Variants in VEPH1 observed in about 807,000 individuals in gnomAD.
VEPH1 encodes ventricular zone expressed PH domain containing 1.
VEPH1 carries 80 observed loss-of-function variants against 85.2 expected under a neutral mutation model. The observed-to-expected ratio is 0.94, with a 90% CI of 0.78 to 1.13. The LOEUF is 1.13. Among genes scored for constraint, VEPH1 ranks in the 50% most tolerant of loss-of-function variants. VEPH1 has a pLI of 0.00. For missense variants in VEPH1, 955 were observed against 980.5 expected (o/e 0.97, Z 0.35); for synonymous variants, 297 against 348.0 (o/e 0.85, Z 1.63).
intron 4 of VEPH1, among the ~76,000 whole-genome samples, chr3:157,440,653 T>C (rs1362715008): frequency 6.6e-6 from 1 of 152,098 alleles, no homozygotes; most frequent in Non-Finnish European, 1.5e-5. Flanking sequence ...TATCCATATG[T>C]ATATATGTGT....
intron 7 of VEPH1, among the ~76,000 whole-genome samples, chr3:157,379,253 T>G (rs1158662759): frequency 6.6e-6 from 1 of 152,170 alleles, no homozygotes; most frequent in Non-Finnish European, 1.5e-5. Flanking sequence ...CAAATTATCT[T>G]TCCTCAGTCT....
chr3:157,420,635 T>C (rs1732259302), intron 5 of VEPH1, among the ~76,000 whole-genome samples: 1 of 152,238 alleles, frequency 6.6e-6, no homozygotes, highest in South Asian at 2.1e-4. Flanking sequence ...AATGACTTCT[T>C]ATTTTAAATG....
At chr3:157,278,785 C>G (rs1407260903) in intron 12 of VEPH1, among the ~76,000 whole-genome samples, 2 of 152,132 alleles carry the variant, frequency 1.3e-5, no homozygotes, top group African/African-American at 4.8e-5. Flanking sequence ...GAGTGGGCCT[C>G]TGGTTGGTAC....
chr3:157,321,788 A>G (rs1432414466), intron 9 of VEPH1, among the ~76,000 whole-genome samples: 1 of 152,184 alleles, frequency 6.6e-6, no homozygotes, highest in African/African-American at 2.4e-5. Flanking sequence ...AAACAAACAA[A>G]CAAACAAACA....
chr3:157,405,721 T>C (rs1694302865), intron 6 of VEPH1, among the ~76,000 whole-genome samples: 1 of 152,198 alleles, frequency 6.6e-6, no homozygotes, highest in Non-Finnish European at 1.5e-5. Flanking sequence ...TATAATGCTC[T>C]CCTAAAACTC....
rs140242420 is a variant in VEPH1, at chr3:157,465,212, C to T, written c.355-4857G>A. Among the ~76,000 whole-genome samples the T allele has an allele frequency of 4.9e-3, 751 of 152,308 alleles. 5 individuals carry two copies. Among genetic ancestry groups the T allele is most frequent in the African/African-American group, 0.017 (722 of 41,560 alleles). On this transcript the variant is annotated intron_variant, in intron 3 of 13. Coordinates refer to ENST00000362010, the MANE Select transcript of VEPH1 (RefSeq NM_001167912.2). ...CCATTCAACAAATATTATTTGAGCA[C>T]CTACTATATGCCAGGCACTATTCTA...
At chr3:157,413,710 T>C (rs908521742) in intron 6 of VEPH1, 171 bp downstream of exon 6, 1 of 956,870 alleles carries the variant, frequency 1.0e-6, no homozygotes, top group African/African-American at 1.8e-5. Flanking sequence ...GACAAATTTG[T>C]ATGTCATAGA....
At chr3:157,451,364 TA>T (rs1268194318) in intron 4 of VEPH1, among the ~76,000 whole-genome samples, 1 of 152,174 alleles carries the variant, frequency 6.6e-6, no homozygotes, top group African/African-American at 2.4e-5. Context: ...CTCCAAGAAG[TA>T]AGAAGTAAGA....
chr3:157,395,710 T>C (rs1318257189), intron 6 of VEPH1, among the ~76,000 whole-genome samples: 6 of 152,220 alleles, frequency 3.9e-5, no homozygotes, highest in Non-Finnish European at 8.8e-5. Flanking sequence ...CAATTTTCTT[T>C]TTTTTTAACT....
intron 6 of VEPH1, among the ~76,000 whole-genome samples, chr3:157,412,085 C>T (rs1731578265): frequency 6.6e-6 from 1 of 152,166 alleles, no homozygotes; most frequent in African/African-American, 2.4e-5. Flanking sequence ...CATGAGGTGC[C>T]TTCTTCCCCT....
intron 5 of VEPH1, among the ~76,000 whole-genome samples, chr3:157,427,897 C>T (rs1732866956): frequency 2.0e-5 from 3 of 152,212 alleles, no homozygotes; most frequent in African/African-American, 7.2e-5. Flanking sequence ...AAGCAGATTG[C>T]CCCTGCAATA....
chr3:157,295,199 T>C (rs1717973780), intron 11 of VEPH1, among the ~76,000 whole-genome samples: 1 of 152,192 alleles, frequency 6.6e-6, no homozygotes. Flanking sequence ...AGGTTATTTG[T>C]TGCTAAGTAA....
At chr3:157,429,502 C>T (rs1038940842) in intron 4 of VEPH1, among the ~76,000 whole-genome samples, 5 of 152,072 alleles carry the variant, frequency 3.3e-5, no homozygotes, top group Admixed American at 3.3e-4. Flanking sequence ...CTGGATAAAA[C>T]TGAATGAATT....
At chr3:157,353,626 T>C (rs887474716) in intron 9 of VEPH1, among the ~76,000 whole-genome samples, 3 of 137,484 alleles carry the variant, frequency 2.2e-5, no homozygotes, top group Non-Finnish European at 4.8e-5. Context: ...TTCTAGAAGT[T>C]TCCCCCCTCC....
chr3:157,361,319 T>C (rs1363267701), intron 9 of VEPH1, among the ~76,000 whole-genome samples: 4 of 152,170 alleles, frequency 2.6e-5, no homozygotes, highest in Non-Finnish European at 5.9e-5. Flanking sequence ...ATAACAGACA[T>C]GCTAAATAAT....
intron 6 of VEPH1, among the ~76,000 whole-genome samples, chr3:157,393,259 C>A (rs371979364): frequency 1.3e-5 from 2 of 152,214 alleles, no homozygotes; most frequent in East Asian, 3.9e-4. Flanking sequence ...TGGGACCCAC[C>A]CTGTTTTCCA....
intron 9 of VEPH1, among the ~76,000 whole-genome samples, chr3:157,323,380 T>C (rs1239941238): frequency 6.6e-6 from 1 of 152,196 alleles, no homozygotes; most frequent in Non-Finnish European, 1.5e-5. Context: ...GAAGTGTGAG[T>C]TGTTGAACTG....
chr3:157,461,662 T>C (rs780713090), intron 3 of VEPH1, among the ~76,000 whole-genome samples: 23 of 152,174 alleles, frequency 1.5e-4, no homozygotes, highest in Non-Finnish European at 2.8e-4. Context: ...ATAAAAATTG[T>C]CATTGATACA....
intron 4 of VEPH1, among the ~76,000 whole-genome samples, chr3:157,441,831 C>T (rs991955114): frequency 4.0e-5 from 6 of 150,980 alleles, no homozygotes; most frequent in African/African-American, 1.5e-4. Flanking sequence ...AAAATGTATT[C>T]TGCAATAACA....
Sources: gnomAD v4.1 joint callset for allele counts (sites outside exome capture counted in the v4.1 genomes callset) on GRCh38, gnomAD v4.1.1 for gene constraint, MANE v1.5 for transcripts, NCBI Gene and HGNC (gene_info 2026-07-23, HGNC 2026-07-21) for gene names.